CDH4: variants seen among roughly 807,000 people sequenced by gnomAD.
The protein encoded by CDH4 is cadherin-4.
Under a neutral mutation model 86.0 loss-of-function variants are expected in CDH4, and 33 were observed. The ratio of observed to expected loss-of-function variants is 0.38; its 90% CI spans 0.29 to 0.51. The LOEUF (loss-of-function observed/expected upper bound fraction) is 0.51, where lower values mean the gene tolerates loss of function less well. Ranked by LOEUF, CDH4 falls within the 20% of genes least tolerant of loss-of-function variation. CDH4 has a pLI of 0.86. For missense variants in CDH4, 1,114 were observed against 1,307.4 expected, an observed-to-expected ratio of 0.85 and a Z score of 2.28; for synonymous variants, 555 against 549.4, an observed-to-expected ratio of 1.01 and a Z score of -0.14.
At chr20:61,580,338 C>G (rs1048985680) in intron 2 of CDH4, among the ~76,000 whole-genome samples, 2 of 152,062 alleles carry the variant, frequency 1.3e-5, no homozygotes, top group East Asian at 3.9e-4. Flanking sequence ...GCCTGCAATC[C>G]CAGCTACTAG....
chr20:61,688,568 T>C (rs2087614995), intron 2 of CDH4, among the ~76,000 whole-genome samples: 1 of 152,202 alleles, frequency 6.6e-6, no homozygotes, highest in South Asian at 2.1e-4. Context: ...CCGGAAGCAC[T>C]GGGACACAGG....
intron 9 of CDH4, among the ~76,000 whole-genome samples, chr20:61,918,720 G>A (rs1436298309): frequency 6.6e-6 from 1 of 152,136 alleles, no homozygotes; most frequent in Non-Finnish European, 1.5e-5. Flanking sequence ...CAGTGACTGC[G>A]TGTCACCCCC....
At chr20:61,585,267 G>T (rs1359605354) in intron 2 of CDH4, among the ~76,000 whole-genome samples, 1 of 152,218 alleles carries the variant, frequency 6.6e-6, no homozygotes, top group African/African-American at 2.4e-5. Context: ...GGGGCTATTG[G>T]TCATTTCCAG....
intron 2 of CDH4, among the ~76,000 whole-genome samples, chr20:61,539,733 T>A (rs1411100814): frequency 4.6e-5 from 7 of 152,134 alleles, no homozygotes; most frequent in African/African-American, 1.7e-4. Flanking sequence ...CTCCTGGTGG[T>A]GTCCCCCCCA....
chr20:61,704,550 G>C (rs73915354), intron 2 of CDH4, among the ~76,000 whole-genome samples: 2,093 of 152,296 alleles, frequency 0.014, 55 homozygotes, highest in African/African-American at 0.047. Flanking sequence ...CTTGGCAGGG[G>C]TGGTGGGATC....
At chr20:61,903,222 C>A (rs2054748732) in intron 8 of CDH4, among the ~76,000 whole-genome samples, 1 of 152,102 alleles carries the variant, frequency 6.6e-6, no homozygotes, top group East Asian at 1.9e-4. Flanking sequence ...CAGTCACAGC[C>A]CCTGCTCCTC....
At chr20:61,892,115 A>C (rs886782850) in intron 7 of CDH4, among the ~76,000 whole-genome samples, 1 of 152,192 alleles carries the variant, frequency 6.6e-6, no homozygotes, top group East Asian at 1.9e-4. Context: ...ATAAAACTTT[A>C]TTTACAATAA....
chr20:61,565,218 T>A (rs1209313226), intron 2 of CDH4, among the ~76,000 whole-genome samples: 1 of 22,000 alleles, frequency 4.5e-5, no homozygotes, highest in Non-Finnish European at 9.3e-5. Flanking sequence ...GTGCTCTCGG[T>A]GGTAGGTGGT....
chr20:61,653,022 A>G, intron 2 of CDH4, among the ~76,000 whole-genome samples: 1 of 117,624 alleles, frequency 8.5e-6, no homozygotes, highest in Admixed American at 8.6e-5. Context: ...TAGTGGAGGG[A>G]AGGTCAGCAG....
intron 2 of CDH4, among the ~76,000 whole-genome samples, chr20:61,387,305 T>C (rs1045022355): frequency 1.4e-4 from 19 of 132,416 alleles, no homozygotes; most frequent in Non-Finnish European, 2.8e-4. Context: ...AACATACACA[T>C]ACATATACAC....
At chr20:61,640,050 A>C (rs574946319) in intron 2 of CDH4, among the ~76,000 whole-genome samples, 1 of 152,352 alleles carries the variant, frequency 6.6e-6, no homozygotes, top group East Asian at 1.9e-4. Context: ...GATGGGAAAA[A>C]GAAAGCCATA....
intron 2 of CDH4, among the ~76,000 whole-genome samples, chr20:61,694,905 C>T (rs1193804264): frequency 1.3e-5 from 2 of 152,220 alleles, no homozygotes; most frequent in African/African-American, 2.4e-5. Flanking sequence ...CTTCAGATCC[C>T]GTGCGCCGCC....
At chr20:61,561,455 G>T (rs1353018673) in intron 2 of CDH4, among the ~76,000 whole-genome samples, 1 of 152,258 alleles carries the variant, frequency 6.6e-6, no homozygotes, top group Non-Finnish European at 1.5e-5. Flanking sequence ...GAGGCCCTGG[G>T]CCGTCCCTCT....
chr20:61,281,687 G>C (rs1294341846), intron 2 of CDH4, among the ~76,000 whole-genome samples: 2 of 152,230 alleles, frequency 1.3e-5, no homozygotes, highest in Admixed American at 1.3e-4. Context: ...TAAATCCTCA[G>C]TGTTGGGGGG....
Position 61,252,635 on chromosome 20 carries a change from C to T in CDH4, c.57+65C>T. 1 of 1,009,180 alleles carries T rather than the reference C, an allele frequency of 9.9e-7. No individual in the cohort carries two copies. Among genetic ancestry groups the T allele is most frequent in the Non-Finnish European group, 1.3e-6 (1 of 796,098 alleles). The allele number at this position is 1,009,180 out of a possible 1,614,324, so 62.5% of individuals were successfully genotyped here. A position where few individuals can be genotyped will look rare whatever the true frequency, so the allele number is the denominator to read the frequency against. ...GGGCAGCGGGAGGTCGTCCCCGGAT[C>T]CCGCGGGGCGCTCACACACCCGGCG... On this transcript the variant is annotated intron_variant, in intron 1 of 15. Transcript: ENST00000614565. The surrounding 1 kb of genome is among the most constrained non-coding windows in gnomAD (Gnocchi z 4.4).
At chr20:61,317,572 A>G (rs1377741527) in intron 2 of CDH4, among the ~76,000 whole-genome samples, 3 of 152,100 alleles carry the variant, frequency 2.0e-5, no homozygotes, top group African/African-American at 7.2e-5. Context: ...CGCCACAGGC[A>G]TGGGGGGCTG....
At chr20:61,467,205 CAG>C (rs1321719621) in intron 2 of CDH4, among the ~76,000 whole-genome samples, 9 of 152,218 alleles carry the variant, frequency 5.9e-5, no homozygotes, top group Non-Finnish European at 1.3e-4. Flanking sequence ...CTCATTAGTA[CAG>C]ATTCTCAAAG....
At chr20:61,434,851 T>TGGGC (rs2085271973) in intron 2 of CDH4, 1 of 152,186 alleles carries the variant, frequency 6.6e-6, no homozygotes, top group Non-Finnish European at 1.5e-5. Context: ...CATTCCTCCC[T>TGGGC]GGGCTGCCTG....
rs184395780 is a variant in CDH4, at chr20:61,377,793, C to T, written c.169+122856C>T. Among the ~76,000 whole-genome samples the T allele has an allele frequency of 6.3e-4, 96 of 152,382 alleles. 3 individuals carry two copies. In the South Asian group the frequency reaches 0.018, roughly 29 times the overall value. ...CATCTGGACTCCTTAGGTCGGTCCA[C>T]TGGCCTGTGCCTTGTCCTTAGAAGG... On this transcript the variant is annotated intron_variant, in intron 2 of 15. Coordinates refer to ENST00000614565, the MANE Select transcript of CDH4 (RefSeq NM_001794.5). This position sits in a 1 kb window ranked among gnomAD's most constrained non-coding sequence, Gnocchi z 4.0.
Sources: gnomAD v4.1 joint callset for allele counts (sites outside exome capture counted in the v4.1 genomes callset) on GRCh38, gnomAD v4.1.1 for gene constraint, Gnocchi (gnomAD v3.1) non-coding constraint, MANE v1.5 for transcripts, NCBI Gene and HGNC (gene_info 2026-07-23, HGNC 2026-07-21) for gene names.